The following SEPTIN9 variants were observed in gnomAD, a reference collection of about 807,000 sequenced individuals.
SEPTIN9 encodes septin-9.
In SEPTIN9, 13 loss-of-function variants were observed where a neutral mutation model predicts 56.6. The observed-to-expected ratio is 0.23, with a 90% CI of 0.15 to 0.37. The LOEUF (loss-of-function observed/expected upper bound fraction) is 0.37. Among genes scored for constraint, SEPTIN9 ranks in the 10% least tolerant of loss-of-function variants. SEPTIN9 has a pLI of 1.00. For synonymous variants in SEPTIN9, 332 were observed against 334.1 expected (o/e 0.99, Z 0.07); for missense variants, 650 against 823.1 (o/e 0.79, Z 2.57).
chr17:77,440,480 G>C (rs1000884504), intron 3 of SEPTIN9, among the ~76,000 whole-genome samples: 25 of 152,200 alleles, frequency 1.6e-4, no homozygotes, highest in Non-Finnish European at 3.1e-4. Flanking sequence ...AAGAGAATTT[G>C]CCCAGAAAAT....
chr17:77,331,383 T>A (rs577475526), intron 2 of SEPTIN9, among the ~76,000 whole-genome samples: 1 of 151,588 alleles, frequency 6.6e-6, no homozygotes, highest in East Asian at 1.9e-4. Context: ...ACTGTGCCTG[T>A]GTGATATGTT....
chr17:77,410,032 T>TGGGG (rs1278015188), intron 3 of SEPTIN9, among the ~76,000 whole-genome samples: 3 of 152,166 alleles, frequency 2.0e-5, no homozygotes, highest in African/African-American at 7.2e-5. Flanking sequence ...CGGGGTTTTC[T>TGGGG]GTGGGTGTTA....
chr17:77,463,909 C>G (rs2038592683), intron 3 of SEPTIN9, among the ~76,000 whole-genome samples: 1 of 152,050 alleles, frequency 6.6e-6, no homozygotes, highest in East Asian at 1.9e-4. Context: ...AATGTCAAAT[C>G]CTAGAGAACA....
chr17:77,402,768 A>T lies in SEPTIN9; in HGVS notation c.721+65A>T. On this transcript the variant is annotated intron_variant, in intron 3 of 11. Coordinates refer to ENST00000427177, the MANE Select transcript of SEPTIN9 (RefSeq NM_001113491.2). This position sits in a 1 kb window ranked among gnomAD's most constrained non-coding sequence, Gnocchi z 6.6. The stretch of plus-strand genomic sequence containing the variant: ...GGGGGGCCTGGTTGCTGGCTTTGCC[A>T]CAGAATCTTGGAGGAAGAAGCTGGA... 1.3e-6 allele frequency: 2 copies of T among 1,481,614 alleles called. No homozygotes were observed. Among genetic ancestry groups the T allele is most frequent in the Non-Finnish European group, 1.8e-6 (2 of 1,109,268 alleles). The allele number at this position is 1,481,614 out of a possible 1,614,324, so 91.8% of individuals were successfully genotyped here. A position where few individuals can be genotyped will look rare whatever the true frequency, so the allele number is the denominator to read the frequency against.
chr17:77,467,736 C>T (rs1486374437), intron 3 of SEPTIN9, among the ~76,000 whole-genome samples: 5 of 152,242 alleles, frequency 3.3e-5, no homozygotes, highest in Non-Finnish European at 5.9e-5. Context: ...AGGACTCTGG[C>T]CAGCGCGGCC....
Position 77,326,958 on chromosome 17 carries a change from A to G in SEPTIN9, c.76+19761A>G, listed in dbSNP as rs1346466601. On this transcript the variant is annotated intron_variant, in intron 2 of 11. Transcript: ENST00000427177. This position sits in a 1 kb window ranked among gnomAD's most constrained non-coding sequence, Gnocchi z 5.1. Reference sequence around the variant, plus strand: ...GGAGGGTGGAGCGCCTGGGGAGCACATGGAAGCTCTGCGTCCCTCCCCCAT... The same window carrying G: ...GGAGGGTGGAGCGCCTGGGGAGCACGTGGAAGCTCTGCGTCCCTCCCCCAT... Among the ~76,000 whole-genome samples the G allele has an allele frequency of 6.6e-6, 1 of 151,908 alleles. No individual in the cohort carries two copies. The highest frequency in any genetic ancestry group is 1.5e-5 in the Non-Finnish European group (1 of 67,968).
At chr17:77,291,247 G>A (rs917102074) in intron 1 of SEPTIN9, among the ~76,000 whole-genome samples, 13 of 150,910 alleles carry the variant, frequency 8.6e-5, no homozygotes, top group African/African-American at 3.2e-4. Context: ...TGTTGGTCAG[G>A]CTGGTCTCAA....
At chr17:77,335,420 A>G (rs2033512451) in intron 2 of SEPTIN9, among the ~76,000 whole-genome samples, 1 of 150,050 alleles carries the variant, frequency 6.7e-6, no homozygotes, top group Admixed American at 6.6e-5. Flanking sequence ...GTATATGTAC[A>G]TATATACATG....
At chr17:77,382,946 G>A (rs1360824507) in intron 2 of SEPTIN9, among the ~76,000 whole-genome samples, 1 of 152,084 alleles carries the variant, frequency 6.6e-6, no homozygotes, top group East Asian at 1.9e-4. Flanking sequence ...TGGGACAGCT[G>A]GGGTAGGGGG....
chr17:77,447,361 G>A (rs888118922), intron 3 of SEPTIN9, among the ~76,000 whole-genome samples: 1 of 152,108 alleles, frequency 6.6e-6, no homozygotes, highest in Non-Finnish European at 1.5e-5. Flanking sequence ...CGTCTGCATC[G>A]CCTCCTAGCT....
intron 2 of SEPTIN9, among the ~76,000 whole-genome samples, chr17:77,380,971 G>T (rs2035122060): frequency 6.6e-6 from 1 of 152,208 alleles, no homozygotes; most frequent in Admixed American, 6.5e-5. Flanking sequence ...GCTCTCTGGA[G>T]CCCTTTGCAG....
At chr17:77,408,055 C>T (rs889908464) in intron 3 of SEPTIN9, among the ~76,000 whole-genome samples, 1 of 151,960 alleles carries the variant, frequency 6.6e-6, no homozygotes, top group South Asian at 2.1e-4. Flanking sequence ...GGGTGCTCAG[C>T]GCTCGTTCAT....
intron 10 of SEPTIN9, among the ~76,000 whole-genome samples, chr17:77,493,730 T>G (rs1338923098): frequency 6.6e-6 from 1 of 151,330 alleles, no homozygotes; most frequent in Non-Finnish European, 1.5e-5. Context: ...TCACAGGGCC[T>G]TCTTCCCTGT....
chr17:77,479,895 A>G (rs2039382251), intron 3 of SEPTIN9, among the ~76,000 whole-genome samples: 1 of 152,210 alleles, frequency 6.6e-6, no homozygotes, highest in Non-Finnish European at 1.5e-5. Context: ...CTGCCCCGCA[A>G]GGCAAGGCCC....
intron 1 of SEPTIN9, among the ~76,000 whole-genome samples, chr17:77,306,114 A>G (rs2032253796): frequency 6.6e-6 from 1 of 151,744 alleles, no homozygotes; most frequent in Non-Finnish European, 1.5e-5. Flanking sequence ...GGATGGGTGA[A>G]TGGAGTAAAT....
At chr17:77,378,432 G>C (rs1368816362) in intron 2 of SEPTIN9, among the ~76,000 whole-genome samples, 1 of 152,236 alleles carries the variant, frequency 6.6e-6, no homozygotes, top group Non-Finnish European at 1.5e-5. Context: ...GGGACTCTGA[G>C]ATGCAGCCCA....
rs184897713 is a variant in SEPTIN9 at position 77,355,357 on chromosome 17, G to C, written c.77-46702G>C. On this transcript the variant is annotated intron_variant, in intron 2 of 11. Transcript: ENST00000427177. The stretch of plus-strand genomic sequence containing the variant: ...GCCAGATCCCGTCTTGGATGTGTGG[G>C]TGATTGTCAGCCACATGTGTGTGAA... Among the ~76,000 whole-genome samples the C allele has an allele frequency of 3.4e-3, 517 of 152,326 alleles. 2 individuals are homozygous for C. The highest frequency in any genetic ancestry group is 0.011 in the African/African-American group (454 of 41,578).
chr17:77,308,381 C>T (rs983866868), intron 2 of SEPTIN9, among the ~76,000 whole-genome samples: 3 of 152,232 alleles, frequency 2.0e-5, no homozygotes, highest in African/African-American at 7.2e-5. Context: ...CCTACGGGGG[C>T]AAGGGCATGT....
At position 77,499,384 on chromosome 17, in the gene SEPTIN9, A is replaced by T. The variant is rs1470764544; in HGVS notation, c.*726A>T. On this transcript the variant is annotated 3_prime_UTR_variant, in exon 12 of 12. Transcript: ENST00000427177. Reference sequence around the variant, plus strand: ...CTCCCTGCCATCCCCCTCTCACGCCACCCCCGCCCCCACCGGGCTGCAGGT... The same window carrying T: ...CTCCCTGCCATCCCCCTCTCACGCCTCCCCCGCCCCCACCGGGCTGCAGGT... The T allele has an allele frequency of 3.6e-6, 2 of 551,712 alleles. No individual in the cohort carries two copies. The highest frequency in any genetic ancestry group is 2.1e-5 in the Admixed American group (1 of 46,822). 34.2% of individuals were successfully genotyped at this position (551,712 alleles called of 1,614,324 possible).
Sources: gnomAD v4.1 joint callset for allele counts (sites outside exome capture counted in the v4.1 genomes callset) on GRCh38, gnomAD v4.1.1 for gene constraint, Gnocchi (gnomAD v3.1) non-coding constraint, MANE v1.5 for transcripts, NCBI Gene and HGNC (gene_info 2026-07-23, HGNC 2026-07-21) for gene names.